GAS2: variants seen among roughly 807,000 people sequenced by gnomAD.
The protein encoded by GAS2 is growth arrest specific 2, also known as growth arrest-specific protein 2.
A neutral mutation model predicts 37.5 loss-of-function variants in GAS2; 20 were observed. The observed-to-expected ratio is 0.53, with a 90% CI of 0.37 to 0.77. GAS2 has a LOEUF of 0.77. Among genes scored for constraint, GAS2 ranks in the 30% least tolerant of loss-of-function variants. The probability of loss-of-function intolerance (pLI) is 0.00; values close to 1 mark genes in which losing one functional copy is unlikely to be tolerated. For missense variants in GAS2, 336 were observed against 373.4 expected (o/e 0.90, Z 0.82); for synonymous variants, 144 against 132.2 (o/e 1.09, Z -0.61).
intron 1 of GAS2, among the ~76,000 whole-genome samples, chr11:22,651,906 T>C (rs1350536492): frequency 6.6e-6 from 1 of 152,232 alleles, no homozygotes; most frequent in Non-Finnish European, 1.5e-5. Context: ...TCTGAAGCCT[T>C]CTTCTCTCAG....
intron 6 of GAS2, among the ~76,000 whole-genome samples, chr11:22,752,905 G>C (rs1376366200): frequency 1.3e-5 from 2 of 152,122 alleles, no homozygotes; most frequent in Admixed American, 6.6e-5. Flanking sequence ...AAGATATCAT[G>C]AAAGAAACAC....
intron 3 of GAS2, among the ~76,000 whole-genome samples, chr11:22,694,361 G>C (rs116369228): frequency 1.3e-4 from 20 of 152,074 alleles, no homozygotes; most frequent in Non-Finnish European, 2.4e-4. Flanking sequence ...CCTGCCACCC[G>C]GAGAATTTCC....
chr11:22,684,003 A>C (rs1363827610), intron 2 of GAS2, among the ~76,000 whole-genome samples: 1 of 152,204 alleles, frequency 6.6e-6, no homozygotes, highest in Non-Finnish European at 1.5e-5. Flanking sequence ...TACTGGATGA[A>C]TCTCCCTCTG....
At chr11:22,649,487 G>C (rs1185032973) in intron 1 of GAS2, among the ~76,000 whole-genome samples, 1 of 151,986 alleles carries the variant, frequency 6.6e-6, no homozygotes, top group East Asian at 1.9e-4. Context: ...GTTTCAGAAG[G>C]AATGGTACCA....
intron 3 of GAS2, among the ~76,000 whole-genome samples, chr11:22,718,249 A>G (rs1316331834): frequency 6.6e-6 from 1 of 152,028 alleles, no homozygotes; most frequent in Non-Finnish European, 1.5e-5. Context: ...GTAGATAAAG[A>G]AAATGTGTCA....
rs1327860610 is a variant in GAS2 at position 22,652,696 on chromosome 11, T to C, written c.-20-22154T>C. Among the ~76,000 whole-genome samples the C allele has an allele frequency of 5.3e-5, 8 of 152,330 alleles. No individual in the cohort carries two copies. The South Asian group carries it at 1.0e-3, about 20-fold the overall frequency. ...GTGACCCGATTTTCCAGGTGCCGTC[T>C]GTCACCCCTTTCTTTGACTAGGAAA... On this transcript the variant is annotated intron_variant, in intron 1 of 5. Coordinates refer to the GAS2 transcript ENST00000528582.
chr11:22,729,289 C>CT (rs1177927400), intron 4 of GAS2, among the ~76,000 whole-genome samples: 4 of 151,750 alleles, frequency 2.6e-5, no homozygotes, highest in Non-Finnish European at 5.9e-5. Context: ...TGTTGCAGTG[C>CT]TTTTTTGTAC....
intron 7 of GAS2, among the ~76,000 whole-genome samples, chr11:22,794,040 A>G (rs1310518759): frequency 6.6e-6 from 1 of 152,142 alleles, no homozygotes; most frequent in Non-Finnish European, 1.5e-5. Context: ...ACATCTTTAT[A>G]TAGTGAATTG....
chr11:22,635,374 C>T (rs1280189621), intron 1 of GAS2, among the ~76,000 whole-genome samples: 1 of 152,168 alleles, frequency 6.6e-6, no homozygotes, highest in African/African-American at 2.4e-5. Context: ...CAGAAGAATC[C>T]ATATGGTGAG....
At chr11:22,652,751 A>G (rs1353893482) in intron 1 of GAS2, among the ~76,000 whole-genome samples, 3 of 152,194 alleles carry the variant, frequency 2.0e-5, no homozygotes, top group Admixed American at 6.5e-5. Flanking sequence ...GCGCTTCCCC[A>G]GTGAGGCAAT....
intron 7 of GAS2, among the ~76,000 whole-genome samples, chr11:22,778,967 G>C (rs888224120): frequency 4.0e-5 from 6 of 151,878 alleles, no homozygotes; most frequent in African/African-American, 1.2e-4. Context: ...CTGTTGAAAG[G>C]GATGACTTGC....
At chr11:22,761,731 C>G (rs756023850) in intron 7 of GAS2, among the ~76,000 whole-genome samples, 1 of 152,068 alleles carries the variant, frequency 6.6e-6, no homozygotes, top group African/African-American at 2.4e-5. Context: ...CTCCCAAACT[C>G]GTGTGGAAAA....
chr11:22,629,918 C>T (rs779921702), intron 1 of GAS2, among the ~76,000 whole-genome samples: 3 of 152,090 alleles, frequency 2.0e-5, no homozygotes, highest in East Asian at 1.9e-4. Flanking sequence ...CCTAAGTTTT[C>T]GTCTAGAATT....
intron 1 of GAS2, among the ~76,000 whole-genome samples, chr11:22,645,689 G>T (rs987477077): frequency 1.3e-4 from 19 of 151,888 alleles, no homozygotes; most frequent in Non-Finnish European, 1.8e-4. Context: ...AATAAATAAA[G>T]AATGTCAAAT....
At chr11:22,629,784 C>T (rs565175910) in intron 1 of GAS2, among the ~76,000 whole-genome samples, 39 of 152,058 alleles carry the variant, frequency 2.6e-4, no homozygotes, top group African/African-American at 9.4e-4. Flanking sequence ...ATGAATATTT[C>T]ATTTGCTATG....
At position 22,712,379 on chromosome 11, in the gene GAS2, T is replaced by C. The variant is rs146887831; in HGVS notation, c.268-13913T>C. On this transcript the variant is annotated intron_variant, in intron 3 of 7. Coordinates refer to ENST00000454584, the MANE Select transcript of GAS2 (RefSeq NM_001143830.3). ...GAAGATAGACTGCATCACAGGACAC[T>C]TTGCAGACATTCCTTAGCACCAGCC... 1.8e-3 allele frequency among the ~76,000 whole-genome samples: 275 copies of C among 152,254 alleles called. 2 individuals are homozygous for C. The highest frequency in any genetic ancestry group is 6.1e-3 in the African/African-American group (253 of 41,554).
At chr11:22,797,163 C>T (rs766068724) in intron 7 of GAS2, among the ~76,000 whole-genome samples, 10 of 151,998 alleles carry the variant, frequency 6.6e-5, no homozygotes, top group East Asian at 5.8e-4. Flanking sequence ...TACATAACAA[C>T]GAGATGAGGA....
chr11:22,629,692 G>A (rs559058651), intron 1 of GAS2, among the ~76,000 whole-genome samples: 1 of 151,898 alleles, frequency 6.6e-6, no homozygotes, highest in East Asian at 1.9e-4. Context: ...TGAGTTCCTT[G>A]TAGATTCTAG....
chr11:22,810,348 A>T (rs1251674204), intron 7 of GAS2, among the ~76,000 whole-genome samples: 1 of 152,082 alleles, frequency 6.6e-6, no homozygotes, highest in Admixed American at 6.6e-5. Flanking sequence ...CAGCTCCTTG[A>T]TACTATCTGG....
Sources: gnomAD v4.1 joint callset for allele counts (sites outside exome capture counted in the v4.1 genomes callset) on GRCh38, gnomAD v4.1.1 for gene constraint, MANE v1.5 for transcripts, NCBI Gene and HGNC (gene_info 2026-07-23, HGNC 2026-07-21) for gene names.